CTCF: variants seen among roughly 807,000 people sequenced by gnomAD.
CTCF encodes the protein transcriptional repressor CTCF.
Under a neutral mutation model 72.3 loss-of-function variants are expected in CTCF, and 7 were observed. That is an observed-to-expected ratio of 0.10 (90% CI 0.06 to 0.18). CTCF has a LOEUF of 0.18. Among genes scored for constraint, CTCF ranks in the 10% least tolerant of loss-of-function variants. The pLI, the probability that CTCF is intolerant of heterozygous loss-of-function variation, is 1.00. For synonymous variants in CTCF, 374 were observed against 315.8 expected (o/e 1.18, Z -1.95); for missense variants, 516 against 949.1 (o/e 0.54, Z 6.00).
intron 2 of CTCF, among the ~76,000 whole-genome samples, chr16:67,608,271 C>T (rs1161700650): frequency 2.0e-5 from 3 of 148,058 alleles, no homozygotes; most frequent in African/African-American, 2.5e-5. Context: ...TTGCAGTGAG[C>T]GGAGATCGTG....
At chr16:67,575,089 T>C (rs1271017454) in intron 2 of CTCF, among the ~76,000 whole-genome samples, 3 of 152,128 alleles carry the variant, frequency 2.0e-5, no homozygotes, top group Non-Finnish European at 2.9e-5. Flanking sequence ...AAAAAAAGAA[T>C]TACATTTTCT....
rs2052135477 is a variant in CTCF at position 67,616,656 on chromosome 16, G to C, written c.953-89G>C. ...AGTTGATGGGATGAATAGGGTTCCAGTCTCATAGCAGTTCTGTGCCACACA... is the reference window on the plus strand; with the variant it reads ...AGTTGATGGGATGAATAGGGTTCCACTCTCATAGCAGTTCTGTGCCACACA... On this transcript the variant is annotated intron_variant, in intron 4 of 11. Transcript: ENST00000264010. The C allele has an allele frequency of 1.6e-5, 24 of 1,460,066 alleles. No individual in the cohort carries two copies. The South Asian group carries it at 2.6e-4, about 16-fold the overall frequency. The allele number at this position is 1,460,066 out of a possible 1,614,324, so 90.4% of individuals were successfully genotyped here.
At chr16:67,611,745 C>G in intron 3 of CTCF, 132 bp downstream of exon 3, 1 of 1,041,822 alleles carries the variant, frequency 9.6e-7, no homozygotes, top group Non-Finnish European at 1.4e-6. Flanking sequence ...TCTTTAAAAC[C>G]AGTCTAAAAT....
intron 10 of CTCF, among the ~76,000 whole-genome samples, chr16:67,636,237 G>A (rs1393204895): frequency 6.6e-6 from 1 of 152,118 alleles, no homozygotes; most frequent in African/African-American, 2.4e-5. Context: ...TCAGCCAGGT[G>A]TGGTGGCGTA....
chr16:67,594,166 T>G (rs1398436789), intron 2 of CTCF, among the ~76,000 whole-genome samples: 1 of 152,104 alleles, frequency 6.6e-6, no homozygotes, highest in Non-Finnish European at 1.5e-5. Flanking sequence ...CCCAGCACTT[T>G]GGGAGGCCAC....
At chr16:67,595,534 T>A (rs1312990677) in intron 2 of CTCF, among the ~76,000 whole-genome samples, 1 of 151,980 alleles carries the variant, frequency 6.6e-6, no homozygotes, top group Non-Finnish European at 1.5e-5. Flanking sequence ...TATTGTTGAG[T>A]TAACCATGTT....
intron 8 of CTCF, chr16:67,627,026 A>G: frequency 4.5e-6 from 1 of 224,392 alleles, no homozygotes; most frequent in Admixed American, 5.7e-5. Flanking sequence ...GAGGGAGCCA[A>G]AGAAGGAGCT....
intron 2 of CTCF, among the ~76,000 whole-genome samples, chr16:67,608,281 G>A (rs1182744075): frequency 2.0e-5 from 3 of 150,014 alleles, no homozygotes; most frequent in African/African-American, 7.4e-5. Flanking sequence ...CGGAGATCGT[G>A]CCACTGCACC....
At chr16:67,580,412 C>T (rs559653297) in intron 2 of CTCF, among the ~76,000 whole-genome samples, 1 of 152,178 alleles carries the variant, frequency 6.6e-6, no homozygotes, top group African/African-American at 2.4e-5. Context: ...CTGTGTTGCC[C>T]AGGCTGGCCT....
chr16:67,571,607 G>T (rs934443803), intron 2 of CTCF, among the ~76,000 whole-genome samples: 2 of 152,196 alleles, frequency 1.3e-5, no homozygotes, highest in African/African-American at 4.8e-5. Context: ...CCAGGAAATT[G>T]TGGCTGCTTT....
At chr16:67,622,436 T>C (rs1267793933) in intron 7 of CTCF, among the ~76,000 whole-genome samples, 1 of 152,108 alleles carries the variant, frequency 6.6e-6, no homozygotes, top group Non-Finnish European at 1.5e-5. Context: ...TTAGCTCTCT[T>C]TAAGTTTAGT....
chr16:67,590,282 T>C (rs2051723650), intron 2 of CTCF, among the ~76,000 whole-genome samples: 1 of 152,054 alleles, frequency 6.6e-6, no homozygotes, highest in African/African-American at 2.4e-5. Context: ...TTAGTACGTA[T>C]TTCCTAGATT....
rs2052053635 is a variant in CTCF, at chr16:67,610,957, A to G, written c.125A>G (p.Gln42Arg). The G allele has an allele frequency of 2.5e-6, 4 of 1,589,014 alleles. No individual in the cohort carries two copies. The highest frequency in any genetic ancestry group is 2.7e-5 in the African/African-American group (2 of 74,400). The change falls in exon 3 of 12, where the codon CAG (glutamine) becomes CGG (arginine). Residue 42 changes from glutamine to arginine, a missense_variant. Around this residue, in one of 7 missense-constraint regions of CTCF, gnomAD observed 148 missense variants for 194.9 expected, o/e 0.76. Coordinates refer to ENST00000264010, the MANE Select transcript of CTCF (RefSeq NM_006565.4). ...GAAGAAGATGCCTGCCACTTACCCC[A>G]GAACCAGACGGATGGGGGTGAGGTG... Reference protein sequence around the residue: ...GQEEDACHLPQNQTDGGEVVQ... With the variant: ...GQEEDACHLPRNQTDGGEVVQ...
intron 7 of CTCF, among the ~76,000 whole-genome samples, chr16:67,622,946 G>A (rs1011512899): frequency 6.7e-6 from 1 of 149,146 alleles, no homozygotes. Context: ...ACAGACATGA[G>A]CCACCGCGCC....
At position 67,580,437 on chromosome 16, in the gene CTCF, C is replaced by T. The variant is rs1284610554; in HGVS notation, c.-10+9173C>T. Among the ~76,000 whole-genome samples the T allele has an allele frequency of 2.0e-5, 3 of 152,102 alleles. No homozygotes were observed. In the East Asian group the frequency reaches 5.8e-4, roughly 29 times the overall value. On this transcript the variant is annotated intron_variant, in intron 2 of 11. Coordinates refer to ENST00000264010, the MANE Select transcript of CTCF (RefSeq NM_006565.4). ...CAGGCTGGCCTTCAACTCCTGGCCT[C>T]AAGCAATCCCCTCCTCCCAGGCCAT...
chr16:67,636,350 C>A (rs533685054), intron 10 of CTCF, among the ~76,000 whole-genome samples: 1 of 149,012 alleles, frequency 6.7e-6, no homozygotes, highest in South Asian at 2.1e-4. Context: ...CCAGCCTGGG[C>A]GACAGAGTGA....
rs771279936 is a variant in CTCF, at chr16:67,629,469, G to T, written c.1773G>T (p.Thr591=). The change falls in exon 10 of 12, where the codon ACG becomes ACT. Residue 591 remains threonine, a synonymous_variant. Coordinates refer to ENST00000264010, the MANE Select transcript of CTCF (RefSeq NM_006565.4). ...TAGAGGGGGAAAATGGAGGAGAAAC[G>T]AAGAAGAGTAAACGTGGAAGAAAAA... ...DGVEGENGGE[T]KKSKRGRKRK... The T allele has an allele frequency of 6.2e-7, 1 of 1,613,506 alleles. No individual in the cohort carries two copies. The highest frequency in any genetic ancestry group is 2.2e-5 in the East Asian group (1 of 44,846).
Position 67,581,054 on chromosome 16 carries a change from G to A in CTCF, c.-10+9790G>A, listed in dbSNP as rs141623369. Among the ~76,000 whole-genome samples the A allele has an allele frequency of 2.9e-3, 446 of 151,920 alleles. 3 individuals carry two copies. Among genetic ancestry groups the A allele is most frequent in the African/African-American group, 0.01 (415 of 41,448 alleles). ...CGCCATTCTCCTGCCTCAGCCTCCC[G>A]AGAAGCTGGGACTACAGGCACCCGC... On this transcript the variant is annotated intron_variant, in intron 2 of 11. Transcript: ENST00000264010.
At chr16:67,619,060 A>G (rs1440578558) in intron 5 of CTCF, among the ~76,000 whole-genome samples, 9 of 152,222 alleles carry the variant, frequency 5.9e-5, no homozygotes, top group Non-Finnish European at 1.3e-4. Context: ...AACAGGTTAA[A>G]TAGGGAAATC....
Sources: allele counts gnomAD v4.1 joint callset (sites outside exome capture counted in the v4.1 genomes callset), GRCh38; gene constraint gnomAD v4.1.1; regional missense constraint gnomAD v4.1.1; transcripts MANE v1.5; gene names NCBI Gene and HGNC (gene_info 2026-07-23, HGNC 2026-07-21).